The following NDUFB6 variants were observed in gnomAD, a reference collection of about 807,000 sequenced individuals.
The protein encoded by NDUFB6 is NADH dehydrogenase [ubiquinone] 1 beta subcomplex subunit 6.
Under a neutral mutation model 17.5 loss-of-function variants are expected in NDUFB6, and 23 were observed. The ratio of observed to expected loss-of-function variants is 1.31; its 90% CI spans 0.94 to 1.86. The LOEUF (loss-of-function observed/expected upper bound fraction) is 1.86, where lower values mean the gene tolerates loss of function less well. Ranked by LOEUF, NDUFB6 falls within the 40% of genes most tolerant of loss-of-function variation. The probability of loss-of-function intolerance (pLI) is 0.00; values close to 1 mark genes in which losing one functional copy is unlikely to be tolerated. For synonymous variants in NDUFB6, 60 were observed against 53.5 expected, an observed-to-expected ratio of 1.12 and a Z score of -0.53; for missense variants, 167 against 153.8, an observed-to-expected ratio of 1.09 and a Z score of -0.46.
intron 2 of NDUFB6, among the ~76,000 whole-genome samples, chr9:32,561,576 G>A (rs1385865264): frequency 6.6e-6 from 1 of 151,932 alleles, no homozygotes; most frequent in Admixed American, 6.6e-5. Context: ...CAATCCACCC[G>A]CCTCAGCCTC....
intron 2 of NDUFB6, among the ~76,000 whole-genome samples, chr9:32,569,047 C>T (rs571442221): frequency 4.6e-5 from 7 of 151,898 alleles, no homozygotes; most frequent in African/African-American, 1.4e-4. Context: ...CCGCGCCCCG[C>T]CTGCTATCTT....
chr9:32,567,053 C>A, intron 2 of NDUFB6: 1 of 495,630 alleles, frequency 2.0e-6, no homozygotes, highest in Non-Finnish European at 4.1e-6. Context: ...CTCCCGGCAG[C>A]TCCTGCCCGC....
chr9:32,571,561 C>T (rs1306437128), intron 1 of NDUFB6, among the ~76,000 whole-genome samples: 1 of 152,136 alleles, frequency 6.6e-6, no homozygotes, highest in Non-Finnish European at 1.5e-5. Flanking sequence ...CCCAAACTCA[C>T]TCCAAAATGC....
chr9:32,566,353 G>C (rs1169169133), intron 2 of NDUFB6: 1 of 1,181,538 alleles, frequency 8.5e-7, no homozygotes, highest in African/African-American at 1.5e-5. Flanking sequence ...ACCAGTGTAG[G>C]AATGATGGTG....
chr9:32,562,026 C>G (rs1165503555), intron 2 of NDUFB6, among the ~76,000 whole-genome samples: 2 of 152,174 alleles, frequency 1.3e-5, no homozygotes, highest in Non-Finnish European at 2.9e-5. Flanking sequence ...ACATGCAGTT[C>G]AACTTCTTCT....
rs79212611 is a variant in NDUFB6 at position 32,553,683 on chromosome 9, T to C, written c.*193A>G. On this transcript the variant is annotated 3_prime_UTR_variant, in exon 4 of 4. Transcript: ENST00000379847. ...ATGACCAGAAAAAGTAGGTAGTCTCTCATATTTGTTTAGCATGTCCACTTT... is the reference window on the plus strand; with the variant it reads ...ATGACCAGAAAAAGTAGGTAGTCTCCCATATTTGTTTAGCATGTCCACTTT... 1 of 536,814 alleles carries C rather than the reference T, an allele frequency of 1.9e-6. No homozygotes were observed. Among genetic ancestry groups the C allele is most frequent in the African/African-American group, 1.9e-5 (1 of 52,076 alleles). The allele number at this position is 536,814 out of a possible 1,614,324, so 33.3% of individuals were successfully genotyped here. A position where few individuals can be genotyped will look rare whatever the true frequency, so the allele number is the denominator to read the frequency against.
At chr9:32,558,172 C>T (rs148028771) in intron 3 of NDUFB6, among the ~76,000 whole-genome samples, 182 of 143,486 alleles carry the variant, frequency 1.3e-3, no homozygotes, top group Non-Finnish European at 2.2e-3. Context: ...AGTGCAGTGG[C>T]GCAACCTCGG....
rs111646430 is a variant in NDUFB6 at position 32,563,491 on chromosome 9, C to CT, written c.274-4538dup. ...CTCCTGAACAGGTGGGACTATTGGG[C>CT]TTTTTTTTTTTTTGGAGGGATGGGG... On this transcript the variant is annotated intron_variant, in intron 2 of 3. Coordinates refer to ENST00000379847, the MANE Select transcript of NDUFB6 (RefSeq NM_002493.5). Among the ~76,000 whole-genome samples the CT allele has an allele frequency of 1.0e-3, 94 of 91,974 alleles. 3 individuals carry two copies. Among genetic ancestry groups the CT allele is most frequent in the East Asian group, 8.0e-3 (32 of 4,006 alleles). 60.3% of individuals were successfully genotyped at this position (91,974 alleles called of 152,430 possible).
intron 2 of NDUFB6, among the ~76,000 whole-genome samples, chr9:32,562,586 G>A (rs771407582): frequency 6.6e-5 from 10 of 152,112 alleles, no homozygotes; most frequent in Non-Finnish European, 1.0e-4. Context: ...ACATAAAGCT[G>A]CAAGAATGAA....
At chr9:32,569,229 T>C (rs1327207582) in intron 2 of NDUFB6, among the ~76,000 whole-genome samples, 1 of 152,102 alleles carries the variant, frequency 6.6e-6, no homozygotes, top group African/African-American at 2.4e-5. Flanking sequence ...TTTTTTCTTT[T>C]TCTTTTTTGA....
At position 32,553,960 on chromosome 9, in the gene NDUFB6, T is replaced by C; in HGVS notation, c.319-16A>G. ...TTGTATCACCCTAGGAAAACAAAGA[T>C]ACAGTTAGTACAAAAATCTTAAGTC... On this transcript the variant is annotated splice_polypyrimidine_tract_variant and intron_variant, in intron 3 of 3. Transcript: ENST00000379847. 1 of 1,505,608 alleles carries C rather than the reference T, an allele frequency of 6.6e-7. No homozygotes were observed. The highest frequency in any genetic ancestry group is 9.2e-7 in the Non-Finnish European group (1 of 1,088,454). The allele number at this position is 1,505,608 out of a possible 1,614,324, so 93.3% of individuals were successfully genotyped here.
At chr9:32,559,452 T>A (rs1228597994) in intron 2 of NDUFB6, among the ~76,000 whole-genome samples, 1 of 152,228 alleles carries the variant, frequency 6.6e-6, no homozygotes, top group African/African-American at 2.4e-5. Context: ...TCTTTTAAGA[T>A]ATGTCACTCT....
At chr9:32,566,094 A>C (rs1333178335) in intron 2 of NDUFB6, 2 of 454,750 alleles carry the variant, frequency 4.4e-6, no homozygotes, top group Non-Finnish European at 7.9e-6. Flanking sequence ...GGCACCTGTT[A>C]AAATTATGCC....
At chr9:32,559,798 T>C (rs1458692566) in intron 2 of NDUFB6, among the ~76,000 whole-genome samples, 1 of 152,046 alleles carries the variant, frequency 6.6e-6, no homozygotes, top group Non-Finnish European at 1.5e-5. Flanking sequence ...TTTGTTTATA[T>C]ATTTATTACC....
chr9:32,560,289 T>C (rs1821589242), intron 2 of NDUFB6, among the ~76,000 whole-genome samples: 1 of 152,190 alleles, frequency 6.6e-6, no homozygotes, highest in African/African-American at 2.4e-5. Flanking sequence ...TCAGGAAAAA[T>C]CACCTGGAAG....
intron 2 of NDUFB6, chr9:32,568,465 C>T (rs1486537688): frequency 8.9e-6 from 2 of 224,226 alleles, no homozygotes; most frequent in Admixed American, 5.0e-5. Context: ...CAAAGAATTT[C>T]GAATATTACA....
chr9:32,554,747 G>A (rs1310431383), intron 3 of NDUFB6, among the ~76,000 whole-genome samples: 1 of 152,222 alleles, frequency 6.6e-6, no homozygotes, highest in Admixed American at 6.5e-5. Context: ...AGAAATCATT[G>A]CCTTGAAGTG....
Position 32,573,043 on chromosome 9 carries a change from C to G in NDUFB6, c.18G>C (p.Pro6=). 1 of 1,588,002 alleles carries G rather than the reference C, an allele frequency of 6.3e-7. No homozygotes were observed. Among genetic ancestry groups the G allele is most frequent in the Non-Finnish European group, 8.6e-7 (1 of 1,166,788 alleles). MTGYT[P]DEKLRLQQLR... ...GCTGCTGCAGCCGCAGTTTCTCATC[C>G]GGAGTGTACCCCGTCATGTCGCCGC... is the stretch of plus-strand genomic sequence containing the variant. The change falls in exon 1 of 4, where the codon CCG becomes CCC. Residue 6 remains proline (P), a synonymous_variant. Transcript: ENST00000379847.
In NDUFB6 at chr9:32,568,744, A is replaced by T. The variant is rs1167039392; in HGVS notation, c.273+2216T>A. On this transcript the variant is annotated intron_variant, in intron 2 of 3. Transcript: ENST00000379847. ...TGTGTGTGTGTGCATATATATATAT[A>T]TATATTTTTTTTTTTTTTTTTTTTG... 292 of 120,444 alleles carry T rather than the reference A, an allele frequency of 2.4e-3. 2 individuals carry two copies. The highest frequency in any genetic ancestry group is 9.8e-3 in the African/African-American group (273 of 27,750). The allele number at this position is 120,444 out of a possible 1,614,324, so 7.5% of individuals were successfully genotyped here. A position where few individuals can be genotyped will look rare whatever the true frequency, so the allele number is the denominator to read the frequency against.
Sources: allele counts gnomAD v4.1 joint callset (sites outside exome capture counted in the v4.1 genomes callset), GRCh38; gene constraint gnomAD v4.1.1; transcripts MANE v1.5; gene names NCBI Gene and HGNC (gene_info 2026-07-23, HGNC 2026-07-21).